Variants in ANKS1A observed in about 807,000 individuals in gnomAD.
ANKS1A encodes ankyrin repeat and sterile alpha motif domain containing 1A, also known as ankyrin repeat and SAM domain-containing protein 1A.
ANKS1A carries 55 observed loss-of-function variants against 120.3 expected under a neutral mutation model. The ratio of observed to expected loss-of-function variants is 0.46; its 90% CI spans 0.37 to 0.57. The LOEUF is 0.57. Ranked by LOEUF, ANKS1A falls within the 20% of genes least tolerant of loss-of-function variation. The pLI, the probability that ANKS1A is intolerant of heterozygous loss-of-function variation, is 0.00. For synonymous variants in ANKS1A, 590 were observed against 604.7 expected, an observed-to-expected ratio of 0.98 and a Z score of 0.36; for missense variants, 1,123 against 1,480.3, an observed-to-expected ratio of 0.76 and a Z score of 3.96.
At chr6:34,895,801 T>C (rs982681835) in intron 1 of ANKS1A, among the ~76,000 whole-genome samples, 3 of 137,724 alleles carry the variant, frequency 2.2e-5, no homozygotes, top group African/African-American at 8.6e-5. Flanking sequence ...TTTTTTTTTT[T>C]TTTTCTGAGA....
chr6:34,955,956 G>A (rs9357189), intron 1 of ANKS1A, among the ~76,000 whole-genome samples: 13,437 of 152,004 alleles, frequency 0.088, 769 homozygotes, highest in East Asian at 0.34. Flanking sequence ...ATTTCACAAT[G>A]TGACTTTTAA....
intron 10 of ANKS1A, among the ~76,000 whole-genome samples, chr6:35,008,105 T>C (rs372716871): frequency 9.2e-5 from 14 of 152,314 alleles, no homozygotes; most frequent in African/African-American, 2.9e-4. Context: ...CCAGGCTAGA[T>C]TTTCAAAATA....
rs1252179201 is a variant in ANKS1A at position 34,889,784 on chromosome 6, C to T, written c.197+185C>T. On this transcript the variant is annotated intron_variant, in intron 1 of 23. Transcript: ENST00000360359. This position sits in a 1 kb window ranked among gnomAD's most constrained non-coding sequence, Gnocchi z 5.5. Reference sequence around the variant, plus strand: ...CGCGCAGGTCCGAGTCCACGCTGCTCCGGGCTCGCCTGGTCTCCCGTTCTG... The same window carrying T: ...CGCGCAGGTCCGAGTCCACGCTGCTTCGGGCTCGCCTGGTCTCCCGTTCTG... 2.0e-5 allele frequency among the ~76,000 whole-genome samples: 3 copies of T among 152,004 alleles called. No homozygotes were observed. The highest frequency in any genetic ancestry group is 4.4e-5 in the Non-Finnish European group (3 of 67,976).
At chr6:34,991,793 T>C (rs886280327) in intron 9 of ANKS1A, among the ~76,000 whole-genome samples, 2 of 143,558 alleles carry the variant, frequency 1.4e-5, no homozygotes, top group East Asian at 2.0e-4. Flanking sequence ...CATATATATA[T>C]ACATATATAT....
Position 35,085,943 on chromosome 6 carries a change from G to T in ANKS1A, c.3303+7G>T, listed in dbSNP as rs780701272. On this transcript the variant is annotated splice_region_variant and intron_variant, in intron 22 of 23. Transcript: ENST00000360359. The surrounding 1 kb of genome is among the most constrained non-coding windows in gnomAD (Gnocchi z 4.7). ...CGGCGTGAGGAAATCCGCAGTACGT[G>T]GGCCCCACTGGCCAAGATCCCCCTC... 6.3e-7 allele frequency: 1 copy of T among 1,591,146 alleles called. No individual in the cohort carries two copies. Among genetic ancestry groups the T allele is most frequent in the Non-Finnish European group, 8.5e-7 (1 of 1,170,690 alleles).
intron 11 of ANKS1A, among the ~76,000 whole-genome samples, chr6:35,040,598 A>G (rs1446650000): frequency 6.6e-6 from 1 of 152,268 alleles, no homozygotes; most frequent in African/African-American, 2.4e-5. Flanking sequence ...ACACACAGAC[A>G]CACATGGCCT....
intron 1 of ANKS1A, among the ~76,000 whole-genome samples, chr6:34,959,460 C>G (rs1179627230): frequency 6.6e-6 from 1 of 152,168 alleles, no homozygotes; most frequent in Non-Finnish European, 1.5e-5. Flanking sequence ...TTCTTGGAAA[C>G]ATGAGGGATT....
At position 35,090,508 on chromosome 6, in the gene ANKS1A, T is replaced by C; in HGVS notation, c.*1899T>C. 9.4e-7 allele frequency: 1 copy of C among 1,066,428 alleles called. No individual in the cohort carries two copies. The highest frequency in any genetic ancestry group is 1.1e-6 in the Non-Finnish European group (1 of 877,564). 66.1% of individuals were successfully genotyped at this position (1,066,428 alleles called of 1,614,324 possible). ...GTGTTTCTTCTGCTTGAAGCTGCTA[T>C]ATCATCTTTATTTATTCAGGGTATT... On this transcript the variant is annotated 3_prime_UTR_variant, in exon 24 of 24. Transcript: ENST00000360359.
chr6:35,035,578 C>G (rs1038721034), intron 11 of ANKS1A, among the ~76,000 whole-genome samples: 18 of 152,186 alleles, frequency 1.2e-4, no homozygotes, highest in Admixed American at 3.9e-4. Context: ...TTGCTGGCCT[C>G]TGTTTCCACC....
At chr6:35,062,961 C>G (rs959138695) in intron 13 of ANKS1A, among the ~76,000 whole-genome samples, 1 of 152,190 alleles carries the variant, frequency 6.6e-6, no homozygotes, top group Non-Finnish European at 1.5e-5. Flanking sequence ...TGTTTAAGCC[C>G]TTCAGAAAAT....
At chr6:34,907,660 G>A (rs1029993939) in intron 1 of ANKS1A, among the ~76,000 whole-genome samples, 1 of 152,132 alleles carries the variant, frequency 6.6e-6, no homozygotes, top group African/African-American at 2.4e-5. Context: ...TGCTATCTTT[G>A]CAACTTTTCT....
intron 1 of ANKS1A, among the ~76,000 whole-genome samples, chr6:34,924,626 C>A (rs1372753238): frequency 6.6e-6 from 1 of 152,184 alleles, no homozygotes; most frequent in East Asian, 1.9e-4. Context: ...GACAAAGGAC[C>A]TCCTTTGTCC....
At chr6:34,911,372 T>A (rs1201418959) in intron 1 of ANKS1A, among the ~76,000 whole-genome samples, 1 of 152,190 alleles carries the variant, frequency 6.6e-6, no homozygotes, top group Non-Finnish European at 1.5e-5. Flanking sequence ...TCAAAGGATT[T>A]TATCAAGCTT....
intron 16 of ANKS1A, among the ~76,000 whole-genome samples, chr6:35,080,409 GCT>G (rs1309586963): frequency 1.3e-5 from 2 of 152,228 alleles, no homozygotes; most frequent in Non-Finnish European, 2.9e-5. Flanking sequence ...CTGAGGAAGA[GCT>G]CTCCCCCAGC....
rs969133255 is a variant in ANKS1A at position 35,086,096 on chromosome 6, C to A, written c.3303+160C>A. On this transcript the variant is annotated intron_variant, in intron 22 of 23. Coordinates refer to ENST00000360359, the MANE Select transcript of ANKS1A (RefSeq NM_015245.3). The surrounding 1 kb of genome is among the most constrained non-coding windows in gnomAD (Gnocchi z 5.1). Reference sequence around the variant, plus strand: ...TCCCCCAACCCTGCCAGGTCTCGCCCCTGGAAAGGCAGCAGCTCCTCTGGC... The same window carrying A: ...TCCCCCAACCCTGCCAGGTCTCGCCACTGGAAAGGCAGCAGCTCCTCTGGC... Among the ~76,000 whole-genome samples the A allele has an allele frequency of 6.6e-6, 1 of 152,136 alleles. No individual in the cohort carries two copies. Among genetic ancestry groups the A allele is most frequent in the Non-Finnish European group, 1.5e-5 (1 of 68,022 alleles).
rs374567948 is a variant in ANKS1A at position 34,981,677 on chromosome 6, G to A, written c.436-13G>A. 4.3e-6 allele frequency: 7 copies of A among 1,612,616 alleles called. No individual in the cohort carries two copies. The highest frequency in any genetic ancestry group is 4.5e-5 in the East Asian group (2 of 44,848). ...GTGACCTTTCTGATGTGATCTGCTT[G>A]TTAACCCTTTAGAACAATGACAACG... On this transcript the variant is annotated splice_polypyrimidine_tract_variant and intron_variant, in intron 3 of 23. Coordinates refer to ENST00000360359, the MANE Select transcript of ANKS1A (RefSeq NM_015245.3).
intron 16 of ANKS1A, 27 bp from the exon 17 acceptor site, chr6:35,080,967 G>A (rs774743636): frequency 9.3e-6 from 15 of 1,605,208 alleles, no homozygotes; most frequent in Middle Eastern, 1.7e-4. Context: ...AGGGTTGCAA[G>A]TTCCACCTGG....
chr6:35,051,345 C>G (rs180700890), intron 11 of ANKS1A, among the ~76,000 whole-genome samples: 1 of 152,228 alleles, frequency 6.6e-6, no homozygotes, highest in African/African-American at 2.4e-5. Context: ...AAAGGCCCTT[C>G]GGCAAAATTT....
chr6:34,960,656 T>TCCATGCCC (rs1770587670), intron 1 of ANKS1A, among the ~76,000 whole-genome samples: 1 of 152,156 alleles, frequency 6.6e-6, no homozygotes, highest in Non-Finnish European at 1.5e-5. Context: ...GTCATATTCT[T>TCCATGCCC]CCATGCCCTC....
Sources: allele counts gnomAD v4.1 joint callset (sites outside exome capture counted in the v4.1 genomes callset), GRCh38; gene constraint gnomAD v4.1.1; non-coding constraint Gnocchi (gnomAD v3.1); transcripts MANE v1.5; gene names NCBI Gene and HGNC (gene_info 2026-07-23, HGNC 2026-07-21).